The following DPP6 variants were observed in gnomAD, a reference collection of about 807,000 sequenced individuals.
DPP6 encodes dipeptidyl peptidase like 6.
Under a neutral mutation model 122.6 loss-of-function variants are expected in DPP6, and 69 were observed. The observed-to-expected ratio is 0.56, with a 90% confidence interval of 0.46 to 0.69. The LOEUF (loss-of-function observed/expected upper bound fraction) is 0.69, where lower values mean the gene tolerates loss of function less well. DPP6 is among the 30% of genes least tolerant of loss of function. The pLI, the probability that DPP6 is intolerant of heterozygous loss-of-function variation, is 0.00. For synonymous variants in DPP6, 418 were observed against 433.1 expected, an observed-to-expected ratio of 0.97 and a Z score of 0.43; for missense variants, 928 against 1,116.9, an observed-to-expected ratio of 0.83 and a Z score of 2.41.
intron 16 of DPP6, among the ~76,000 whole-genome samples, chr7:154,849,561 T>A (rs1802212719): frequency 6.6e-6 from 1 of 152,214 alleles, no homozygotes; most frequent in Non-Finnish European, 1.5e-5. Context: ...GTTCTAACAT[T>A]CCTTTGGTGC....
At chr7:154,536,586 T>TAA (rs952966351) in intron 3 of DPP6, among the ~76,000 whole-genome samples, 14 of 152,288 alleles carry the variant, frequency 9.2e-5, no homozygotes, top group African/African-American at 3.4e-4. Context: ...GTAATGCATA[T>TAA]AAGGCTGAAT....
intron 7 of DPP6, among the ~76,000 whole-genome samples, chr7:154,716,542 T>C (rs554857670): frequency 7.2e-5 from 11 of 152,314 alleles, no homozygotes; most frequent in Non-Finnish European, 1.5e-4. Context: ...AGCTATAGTT[T>C]ACTGCCCCTT....
chr7:154,262,401 G>T (rs1378753214), intron 1 of DPP6, among the ~76,000 whole-genome samples: 8 of 152,068 alleles, frequency 5.3e-5, no homozygotes, highest in Admixed American at 5.2e-4. Flanking sequence ...GAGAACATTT[G>T]GACCCACAGT....
At chr7:154,132,198 TG>T (rs1290370689) in intron 1 of DPP6, among the ~76,000 whole-genome samples, 1 of 152,204 alleles carries the variant, frequency 6.6e-6, no homozygotes, top group Non-Finnish European at 1.5e-5. Flanking sequence ...CAGAAAACTT[TG>T]GCTGGACAGC....
intron 1 of DPP6, 45 bp from the exon 2 acceptor site, chr7:154,446,169 C>T (rs759484580): frequency 2.4e-6 from 3 of 1,249,976 alleles, no homozygotes; most frequent in Non-Finnish European, 2.3e-6. Flanking sequence ...TATTTTATTT[C>T]CTTATTTCAC....
At chr7:154,730,788 G>A (rs909494037) in intron 8 of DPP6, among the ~76,000 whole-genome samples, 4 of 152,072 alleles carry the variant, frequency 2.6e-5, no homozygotes, top group Non-Finnish European at 5.9e-5. Flanking sequence ...GCATTCTCTG[G>A]GACTAATCTC....
At chr7:154,564,014 A>T (rs1207960584) in intron 4 of DPP6, among the ~76,000 whole-genome samples, 1 of 152,106 alleles carries the variant, frequency 6.6e-6, no homozygotes, top group Non-Finnish European at 1.5e-5. Flanking sequence ...AAACAAGGAG[A>T]AGCACAAAAT....
At chr7:153,786,740 G>GAGAAAAAAA in the DPP6 span, among the ~76,000 whole-genome samples, 1 of 31,780 alleles carries the variant, frequency 3.1e-5, no homozygotes, top group Non-Finnish European at 6.4e-5. Context: ...CTCCGTCTCA[G>GAGAAAAAAA]AAAAAAAAAA....
At chr7:154,444,500 A>AT (rs1306882261) in intron 1 of DPP6, among the ~76,000 whole-genome samples, 9 of 152,314 alleles carry the variant, frequency 5.9e-5, no homozygotes, top group Non-Finnish European at 1.2e-4. Context: ...AAAGATATCA[A>AT]TTATTTGAGC....
intron 1 of DPP6, among the ~76,000 whole-genome samples, chr7:154,394,112 G>T (rs1814864249): frequency 6.6e-6 from 1 of 152,154 alleles, no homozygotes; most frequent in East Asian, 1.9e-4. Context: ...ACCAGAAGTG[G>T]AATTGCTGGA....
chr7:154,123,942 A>G (rs1445776040), intron 1 of DPP6, among the ~76,000 whole-genome samples: 3 of 151,708 alleles, frequency 2.0e-5, no homozygotes, highest in Non-Finnish European at 4.4e-5. Flanking sequence ...GCCGGGGCTT[A>G]CCTGGGACAG....
At chr7:154,560,289 A>ATGTAAGACTTCTGTC (rs1394500981) in intron 4 of DPP6, among the ~76,000 whole-genome samples, 2 of 152,190 alleles carry the variant, frequency 1.3e-5, no homozygotes, top group Non-Finnish European at 2.9e-5. Flanking sequence ...ATGTAATCTC[A>ATGTAAGACTTCTGTC]TGTAAGACTT....
chr7:154,234,319 A>T (rs77146442), intron 1 of DPP6, among the ~76,000 whole-genome samples: 22 of 152,264 alleles, frequency 1.4e-4, no homozygotes, highest in African/African-American at 5.3e-4. Flanking sequence ...TGTGGGAGGT[A>T]ATCAGATTTC....
intron 1 of DPP6, among the ~76,000 whole-genome samples, chr7:154,376,953 A>ATC (rs1813181261): frequency 6.6e-6 from 1 of 152,108 alleles, no homozygotes; most frequent in African/African-American, 2.4e-5. Context: ...CCTGTTCCTT[A>ATC]CCTCTGGAGG....
In DPP6 at chr7:154,885,546, G is replaced by T. The variant is rs1806075358; in HGVS notation, c.2134-87G>T. On this transcript the variant is annotated intron_variant, in intron 21 of 25. Transcript: ENST00000377770. Reference sequence around the variant, plus strand: ...GGAGAGAACCTGCATGGAACTGGCTGCTCTGGGGCTGTCTCCCTGCCCGAG... The same window carrying T: ...GGAGAGAACCTGCATGGAACTGGCTTCTCTGGGGCTGTCTCCCTGCCCGAG... 2.0e-6 allele frequency: 3 copies of T among 1,504,938 alleles called. No individual in the cohort carries two copies. The South Asian group carries it at 3.9e-5, about 19-fold the overall frequency. The allele number at this position is 1,504,938 out of a possible 1,614,324, so 93.2% of individuals were successfully genotyped here. A position where few individuals can be genotyped will look rare whatever the true frequency, so the allele number is the denominator to read the frequency against.
At chr7:154,060,606 C>CCG (rs1303857614) in intron 1 of DPP6, among the ~76,000 whole-genome samples, 5 of 125,482 alleles carry the variant, frequency 4.0e-5, no homozygotes, top group Non-Finnish European at 6.7e-5. Context: ...TCCCTCTTCC[C>CCG]CCCCCTGGCT....
At chr7:154,874,332 G>T (rs1804670210) in intron 19 of DPP6, among the ~76,000 whole-genome samples, 2 of 152,332 alleles carry the variant, frequency 1.3e-5, no homozygotes, top group East Asian at 1.9e-4. Context: ...AGGTAAAAGT[G>T]GTCGTGCCCG....
At chr7:153,963,512 G>T (rs370678088) in intron 1 of DPP6, among the ~76,000 whole-genome samples, 1 of 137,364 alleles carries the variant, frequency 7.3e-6, no homozygotes, top group South Asian at 2.3e-4. Flanking sequence ...ACTCTTTCCT[G>T]TAAAGCAGAA....
intron 1 of DPP6, among the ~76,000 whole-genome samples, chr7:154,337,304 A>G (rs1585983266): frequency 1.3e-5 from 2 of 152,302 alleles, no homozygotes; most frequent in African/African-American, 4.8e-5. Context: ...TCTGCACATG[A>G]CTTTCTCAGT....
Sources: gnomAD v4.1 joint callset for allele counts (sites outside exome capture counted in the v4.1 genomes callset) on GRCh38, gnomAD v4.1.1 for gene constraint, MANE v1.5 for transcripts, NCBI Gene and HGNC (gene_info 2026-07-23, HGNC 2026-07-21) for gene names.